The following MATN1 variants were observed in gnomAD, a reference collection of about 807,000 sequenced individuals.
The protein encoded by MATN1 is matrilin-1.
Under a neutral mutation model 41.3 loss-of-function variants are expected in MATN1, and 34 were observed. The ratio of observed to expected loss-of-function variants is 0.82; its 90% CI spans 0.63 to 1.10. The LOEUF (loss-of-function observed/expected upper bound fraction) is 1.10, where lower values mean the gene tolerates loss of function less well. Ranked by LOEUF, MATN1 falls within the 50% of genes least tolerant of loss-of-function variation. The pLI is 0.00. For synonymous variants in MATN1, 264 were observed against 278.7 expected (o/e 0.95, Z 0.53); for missense variants, 602 against 662.4 (o/e 0.91, Z 1.00).
At position 30,721,400 on chromosome 1, in the gene MATN1, C is replaced by T. The variant is rs962950817; in HGVS notation, c.441+5G>A. 2 of 1,603,800 alleles carry T rather than the reference C, an allele frequency of 1.2e-6. No individual in the cohort carries two copies. Among genetic ancestry groups the T allele is most frequent in the Non-Finnish European group, 1.7e-6 (2 of 1,172,434 alleles). On this transcript the variant is annotated splice_donor_5th_base_variant and intron_variant, in intron 2 of 7. Transcript: ENST00000373765. ...CAGCATCCTAGCAGGGTGGCGTGCA[C>T]GTACCTTGCTGATGTCAGGGGACCT...
At chr1:30,721,820 A>G in intron 1 of MATN1, 69 bp from the exon 2 acceptor site, 1 of 1,318,368 alleles carries the variant, frequency 7.6e-7, no homozygotes. Context: ...CTGAACACAC[A>G]GAGTGCGGCT....
intron 2 of MATN1, chr1:30,721,066 G>C: frequency 3.7e-6 from 1 of 268,598 alleles, no homozygotes; most frequent in East Asian, 8.8e-5. Flanking sequence ...CAGGCAGGCT[G>C]GTGGCGGAGG....
chr1:30,722,134 C>T (rs935997215), intron 1 of MATN1, among the ~76,000 whole-genome samples: 1 of 152,246 alleles, frequency 6.6e-6, no homozygotes, highest in Non-Finnish European at 1.5e-5. Flanking sequence ...GCCTTGAAAA[C>T]ACATTTAGGT....
Position 30,713,326 on chromosome 1 carries a change from A to G in MATN1, c.*256T>C. The G allele has an allele frequency of 1.9e-6, 1 of 529,382 alleles. No individual in the cohort carries two copies. The highest frequency in any genetic ancestry group is 2.9e-5 in the East Asian group (1 of 34,212). 32.8% of individuals were successfully genotyped at this position (529,382 alleles called of 1,614,324 possible). ...CTCTCACACTCACCCCTGCATTATC[A>G]CTCTCACACTCACATTCTGGCAAGA... is the stretch of plus-strand genomic sequence containing the variant. On this transcript the variant is annotated 3_prime_UTR_variant, in exon 8 of 8. Transcript: ENST00000373765.
chr1:30,717,651 T>G (rs1639636100), intron 3 of MATN1, among the ~76,000 whole-genome samples: 2 of 86,236 alleles, frequency 2.3e-5, no homozygotes, highest in East Asian at 2.6e-4. Context: ...GGTTTTTTTT[T>G]TTGTTTTGTT....
chr1:30,716,951 A>G lies in MATN1; in HGVS notation c.665-36T>C, dbSNP rs764476208. 6.9e-6 allele frequency: 11 copies of G among 1,593,550 alleles called. No homozygotes were observed. The South Asian group carries it at 1.3e-4, about 18-fold the overall frequency. On this transcript the variant is annotated intron_variant, in intron 3 of 7. Coordinates refer to ENST00000373765, the MANE Select transcript of MATN1 (RefSeq NM_002379.3). Reference sequence around the variant, plus strand: ...AATAAGTAGCTCAGATCTCACAGTCATAGTGCCTTGGGCACTACAGACAGG... The same window carrying G: ...AATAAGTAGCTCAGATCTCACAGTCGTAGTGCCTTGGGCACTACAGACAGG...
intron 6 of MATN1, among the ~76,000 whole-genome samples, chr1:30,714,822 G>T (rs1428901964): frequency 6.6e-6 from 1 of 152,112 alleles, no homozygotes; most frequent in Non-Finnish European, 1.5e-5. Context: ...GAGGCAGTAG[G>T]GTTCAAATCT....
chr1:30,715,863 C>A (rs370085802), intron 5 of MATN1, 46 bp downstream of exon 5: 11 of 1,572,804 alleles, frequency 7.0e-6, no homozygotes, highest in Non-Finnish European at 9.5e-6. Flanking sequence ...CCCGTGTGTA[C>A]CCCTGGCCAT....
At chr1:30,719,031 C>A in intron 2 of MATN1, 74 bp from the exon 3 acceptor site, 3 of 1,181,522 alleles carry the variant, frequency 2.5e-6, no homozygotes, top group Non-Finnish European at 3.3e-6. Flanking sequence ...AGGCTGAGGC[C>A]CGGAGAGGCG....
chr1:30,721,588 G>T lies in MATN1; in HGVS notation c.258C>A (p.Ala86=). The T allele has an allele frequency of 6.2e-7, 1 of 1,613,490 alleles. No homozygotes were observed. The highest frequency in any genetic ancestry group is 1.3e-5 in the African/African-American group (1 of 75,058). ...GCGAGAACTCCTGCTTCACGGTGCTGGCATAGTTGACCATGCCCACCCGGG... is the reference window on the plus strand; with the variant it reads ...GCGAGAACTCCTGCTTCACGGTGCTTGCATAGTTGACCATGCCCACCCGGG... ...NATRVGMVNY[A]STVKQEFSLR... Residue 86 remains alanine (A), a synonymous_variant, in exon 2 of 8, where the codon GCC becomes GCA. Transcript: ENST00000373765.
Position 30,721,565 on chromosome 1 carries a change from G to A in MATN1, c.281C>T (p.Ser94Leu), listed in dbSNP as rs760539636. ...GGCCTTGGAGACATGAGCCCGCAGC[G>A]AGAACTCCTGCTTCACGGTGCTGGC... ...NYASTVKQEF[S>L]LRAHVSKAAL... The change falls in exon 2 of 8, where the codon TCG (serine) becomes TTG (leucine). Residue 94 changes from serine to leucine, a missense_variant. Ser to Leu is a moderately radical substitution (Grantham distance 145). Transcript: ENST00000373765. The A allele has an allele frequency of 4.3e-6, 7 of 1,613,234 alleles. No individual in the cohort carries two copies. Among genetic ancestry groups the A allele is most frequent in the Non-Finnish European group, 5.1e-6 (6 of 1,180,044 alleles).
rs368850211 is a variant in MATN1 at position 30,716,861 on chromosome 1, C to A, written c.719G>T (p.Ser240Ile). ...GGCGCAGGTGTAGGAACCGGGGGAG[C>A]TGATGCACACCTGCTCACAGTCATG... ...GDHDCEQVCI[S>I]SPGSYTCACH... The change falls in exon 4 of 8, where the codon AGC becomes ATC. Residue 240 changes from serine to isoleucine, a missense_variant. Transcript: ENST00000373765. 130 of 1,613,700 alleles carry A rather than the reference C, an allele frequency of 8.1e-5. No individual in the cohort carries two copies. Among genetic ancestry groups the A allele is most frequent in the Non-Finnish European group, 1.1e-4 (127 of 1,179,928 alleles).
rs567386194 is a variant in MATN1, at chr1:30,711,289, T to C, written c.*2293A>G. The C allele has an allele frequency of 6.6e-6, 1 of 152,366 alleles. No homozygotes were observed. Among genetic ancestry groups the C allele is most frequent in the Admixed American group, 6.5e-5 (1 of 15,306 alleles). 9.4% of individuals were successfully genotyped at this position (152,366 alleles called of 1,614,324 possible). A position where few individuals can be genotyped will look rare whatever the true frequency, so the allele number is the denominator to read the frequency against. The stretch of plus-strand genomic sequence containing the variant: ...AGAACAATCCTAATTAGTTTAGTCC[T>C]GTTTATTTATACAAAATTCAAAAAA... On this transcript the variant is annotated 3_prime_UTR_variant, in exon 8 of 8. Transcript: ENST00000373765.
chr1:30,718,347 G>A (rs764852100), intron 3 of MATN1, among the ~76,000 whole-genome samples: 4 of 148,844 alleles, frequency 2.7e-5, no homozygotes, highest in African/African-American at 5.0e-5. Context: ...CCCTGGAGCC[G>A]ACTCTCTCCG....
intron 6 of MATN1, 54 bp downstream of exon 6, chr1:30,715,103 C>T: frequency 6.3e-7 from 1 of 1,597,084 alleles, no homozygotes; most frequent in Non-Finnish European, 8.6e-7. Context: ...ATGGCTCCAC[C>T]TCCACAGTGC....
chr1:30,722,593 A>G (rs1036665545), intron 1 of MATN1, among the ~76,000 whole-genome samples: 19 of 152,234 alleles, frequency 1.2e-4, no homozygotes, highest in African/African-American at 3.9e-4. Context: ...TCACATGTCC[A>G]GTGGAGAGAA....
At chr1:30,716,590 A>G (rs544323411) in intron 4 of MATN1, among the ~76,000 whole-genome samples, 200 bp downstream of exon 4, 2 of 152,294 alleles carry the variant, frequency 1.3e-5, no homozygotes, top group East Asian at 3.9e-4. Flanking sequence ...ACCACACTAA[A>G]CCCACCGCCC....
rs1214313874 is a variant in MATN1, at chr1:30,712,639, C to A, written c.*943G>T. On this transcript the variant is annotated 3_prime_UTR_variant, in exon 8 of 8. Coordinates refer to ENST00000373765, the MANE Select transcript of MATN1 (RefSeq NM_002379.3). ...TGGTCCCTCTGGCTGGTGGGGGTGA[C>A]ATGAGCACCCTGCTCAACTGTATGT... 1 of 152,392 alleles carries A rather than the reference C, an allele frequency of 6.6e-6. No homozygotes were observed. Among genetic ancestry groups the A allele is most frequent in the Non-Finnish European group, 1.5e-5 (1 of 68,194 alleles). 9.4% of individuals were successfully genotyped at this position (152,392 alleles called of 1,614,324 possible).
chr1:30,721,265 C>T, intron 2 of MATN1, 140 bp downstream of exon 2: 1 of 834,048 alleles, frequency 1.2e-6, no homozygotes, highest in East Asian at 2.5e-5. Context: ...AATGACCGCC[C>T]CTCTCTGACC....
Sources: allele counts gnomAD v4.1 joint callset (sites outside exome capture counted in the v4.1 genomes callset), GRCh38; gene constraint gnomAD v4.1.1; transcripts MANE v1.5; gene names NCBI Gene and HGNC (gene_info 2026-07-23, HGNC 2026-07-21).